Variants in SKI observed in about 807,000 individuals in gnomAD.
The protein encoded by SKI is ski oncogene.
SKI carries 23 observed loss-of-function variants against 59.3 expected under a neutral mutation model. The ratio of observed to expected loss-of-function variants is 0.39; its 90% CI spans 0.28 to 0.55. SKI has a LOEUF of 0.55. Ranked by LOEUF, SKI falls within the 20% of genes least tolerant of loss-of-function variation. The pLI is 0.67. For synonymous variants in SKI, 673 were observed against 488.6 expected, an observed-to-expected ratio of 1.38 and a Z score of -4.98; for missense variants, 1,017 against 1,038.9, an observed-to-expected ratio of 0.98 and a Z score of 0.29.
Position 2,229,733 on chromosome 1 carries a change from C to T in SKI, c.967C>T (p.Arg323Trp), listed in dbSNP as rs1365734743. Residue 323 changes from arginine (R) to tryptophan (W), a missense_variant and splice_region_variant, in exon 1 of 7, where the codon CGG becomes TGG. Coordinates refer to ENST00000378536, the MANE Select transcript of SKI (RefSeq NM_003036.4). This position sits in a 1 kb window ranked among gnomAD's most constrained non-coding sequence, Gnocchi z 6.3. Reference sequence around the variant, plus strand: ...CAACAAGTACAAGCGGCGGGTGCCCCGGGTGAGTGGCCCCAGGCCTGGGAG... The same window carrying T: ...CAACAAGTACAAGCGGCGGGTGCCCTGGGTGAGTGGCCCCAGGCCTGGGAG... ...YGNKYKRRVP[R>W]VSSEPPASIR... is the part of the protein sequence containing the mutation. 1 of 1,557,916 alleles carries T rather than the reference C, an allele frequency of 6.4e-7. No individual in the cohort carries two copies. Among genetic ancestry groups the T allele is most frequent in the Non-Finnish European group, 8.7e-7 (1 of 1,151,474 alleles).
chr1:2,258,373 G>C (rs1332239627), intron 1 of SKI, among the ~76,000 whole-genome samples: 1 of 152,196 alleles, frequency 6.6e-6, no homozygotes, highest in Non-Finnish European at 1.5e-5. Flanking sequence ...GGATGGGACA[G>C]TGGCTGTGCT....
chr1:2,306,396 C>T (rs1373787122), intron 6 of SKI, 146 bp downstream of exon 6: 1 of 1,004,724 alleles, frequency 1.0e-6, no homozygotes, highest in African/African-American at 1.6e-5. Context: ...CCGACGGGCA[C>T]AGGGTGGGTG....
chr1:2,250,581 T>C (rs1027268467), intron 1 of SKI, among the ~76,000 whole-genome samples: 16 of 152,366 alleles, frequency 1.1e-4, no homozygotes, highest in African/African-American at 3.4e-4. Context: ...ACGACTGTTT[T>C]TGCAACTTTT....
intron 1 of SKI, among the ~76,000 whole-genome samples, chr1:2,253,732 T>C (rs536958171): frequency 3.7e-4 from 56 of 151,822 alleles, no homozygotes; most frequent in African/African-American, 1.3e-3. Flanking sequence ...GCCCTGGGAG[T>C]GAGGCTGCGG....
At chr1:2,272,560 A>G (rs1436965008) in intron 1 of SKI, among the ~76,000 whole-genome samples, 4 of 152,232 alleles carry the variant, frequency 2.6e-5, no homozygotes. Flanking sequence ...GGCTCGGGGA[A>G]GCCCTTTGTG....
In SKI at chr1:2,306,212, T is replaced by TGCGAGGCGGGCC; in HGVS notation, c.1963_1974dup (p.Glu655_Arg658dup). 6.4e-7 allele frequency: 1 copy of TGCGAGGCGGGCC among 1,574,334 alleles called. No individual in the cohort carries two copies. Among genetic ancestry groups the TGCGAGGCGGGCC allele is most frequent in the Non-Finnish European group, 8.6e-7 (1 of 1,160,718 alleles). On this transcript the variant is annotated inframe_insertion, in exon 6 of 7. Transcript: ENST00000378536. ...GCAGGCCCGGGTGTGCGACAAGGGC[T>TGCGAGGCGGGCC]GCGAGGCGGGCCGCCTGCGCGCCAA...
Position 2,228,545 on chromosome 1 carries a change from G to A in SKI, c.-222G>A, listed in dbSNP as rs1638553190. ...CGCGGGGCGCGTGGATGTGGCGCCG[G>A]GCCCGGGCGGCGGCGGGCTCCAGCG... On this transcript the variant is annotated 5_prime_UTR_variant, in exon 1 of 7. Coordinates refer to ENST00000378536, the MANE Select transcript of SKI (RefSeq NM_003036.4). 1 of 143,780 alleles carries A rather than the reference G, an allele frequency of 7.0e-6. No homozygotes were observed. Among genetic ancestry groups the A allele is most frequent in the Non-Finnish European group, 1.5e-5 (1 of 65,200 alleles). The allele number at this position is 143,780 out of a possible 1,614,324, so 8.9% of individuals were successfully genotyped here.
At chr1:2,261,627 A>G (rs1639388011) in intron 1 of SKI, among the ~76,000 whole-genome samples, 1 of 152,242 alleles carries the variant, frequency 6.6e-6, no homozygotes, top group Non-Finnish European at 1.5e-5. Flanking sequence ...CATGAGTCCT[A>G]GTGGCTTTTA....
intron 1 of SKI, among the ~76,000 whole-genome samples, chr1:2,241,433 C>G (rs1317669946): frequency 1.3e-5 from 2 of 152,128 alleles, no homozygotes; most frequent in Non-Finnish European, 2.9e-5. Flanking sequence ...TGCTCTGTCG[C>G]CCAGGCTATA....
chr1:2,301,628 T>G (rs561611283), intron 1 of SKI, among the ~76,000 whole-genome samples: 2 of 152,254 alleles, frequency 1.3e-5, no homozygotes, highest in East Asian at 3.9e-4. Context: ...ATCTTCCCCC[T>G]AGGGAAGCAG....
At chr1:2,233,681 C>A (rs901339952) in intron 1 of SKI, among the ~76,000 whole-genome samples, 3 of 152,110 alleles carry the variant, frequency 2.0e-5, no homozygotes, top group Non-Finnish European at 2.9e-5. Flanking sequence ...AGGTGCCCAG[C>A]CAGGTGGTCG....
chr1:2,265,577 G>A (rs1047819127), intron 1 of SKI, among the ~76,000 whole-genome samples: 3 of 152,286 alleles, frequency 2.0e-5, no homozygotes, highest in East Asian at 1.9e-4. Flanking sequence ...TGTTTGCGAT[G>A]GATGGATGAT....
chr1:2,251,814 C>T (rs549856073), intron 1 of SKI, among the ~76,000 whole-genome samples: 55 of 152,330 alleles, frequency 3.6e-4, no homozygotes, highest in Admixed American at 6.5e-4. Context: ...ACCATTTTCT[C>T]GAGTCTGGTT....
chr1:2,233,448 T>C (rs1040382674), intron 1 of SKI, among the ~76,000 whole-genome samples: 9 of 152,188 alleles, frequency 5.9e-5, no homozygotes, highest in African/African-American at 2.2e-4. Flanking sequence ...TGCTCTGTCC[T>C]GCAGATGCCT....
In SKI at chr1:2,270,121, T is replaced by C. The variant is rs1401127185; in HGVS notation, c.970-32857T>C. On this transcript the variant is annotated intron_variant, in intron 1 of 6. Transcript: ENST00000378536. The surrounding 1 kb of genome is among the most constrained non-coding windows in gnomAD (Gnocchi z 4.1). The stretch of plus-strand genomic sequence containing the variant: ...AGTTTTGCCCAGGGGTGCTGTGCCC[T>C]GGTCATTGTCCCCTACAGCCAGGCA... 6.6e-6 allele frequency among the ~76,000 whole-genome samples: 1 copy of C among 152,152 alleles called. No homozygotes were observed. The highest frequency in any genetic ancestry group is 2.4e-5 in the African/African-American group (1 of 41,438).
Position 2,306,278 on chromosome 1 carries a change from C to T in SKI, c.1998+28C>T. On this transcript the variant is annotated intron_variant, in intron 6 of 6. Transcript: ENST00000378536. ...ATGCGGGTGGGGAGACTGAGGCACG[C>T]AGCACGGTGGGCGTGGAGCCGCCGT... The T allele has an allele frequency of 3.3e-6, 5 of 1,522,476 alleles. No individual in the cohort carries two copies. In the African/African-American group the frequency reaches 4.1e-5, roughly 13 times the overall value. The allele number at this position is 1,522,476 out of a possible 1,614,324, so 94.3% of individuals were successfully genotyped here. A position where few individuals can be genotyped will look rare whatever the true frequency, so the allele number is the denominator to read the frequency against.
chr1:2,229,918 G>A lies in SKI; in HGVS notation c.969+183G>A, dbSNP rs1638593857. 6.6e-6 allele frequency among the ~76,000 whole-genome samples: 1 copy of A among 152,256 alleles called. No individual in the cohort carries two copies. Among genetic ancestry groups the A allele is most frequent in the African/African-American group, 2.4e-5 (1 of 41,476 alleles). On this transcript the variant is annotated intron_variant, in intron 1 of 6. Coordinates refer to ENST00000378536, the MANE Select transcript of SKI (RefSeq NM_003036.4). This position sits in a 1 kb window ranked among gnomAD's most constrained non-coding sequence, Gnocchi z 6.3. ...ACTGGCAGGGCCAGAGAGTTTGGTA[G>A]GAAGGCCCTCCTGCCCGTTCCCCAG...
At position 2,310,102 on chromosome 1, in the gene SKI, C is replaced by G. The variant is rs1238869117; in HGVS notation, c.*3337C>G. 6.6e-6 allele frequency: 1 copy of G among 151,558 alleles called. No homozygotes were observed. The highest frequency in any genetic ancestry group is 1.5e-5 in the Non-Finnish European group (1 of 67,952). 9.4% of individuals were successfully genotyped at this position (151,558 alleles called of 1,614,324 possible). On this transcript the variant is annotated 3_prime_UTR_variant, in exon 7 of 7. Transcript: ENST00000378536. ...ATGTATGCTTTCTTGTTTATAAATG[C>G]CTGATTTAAAAAGAAAAGAGCTTGG...
Position 2,229,648 on chromosome 1 carries a change from G to A in SKI, c.882G>A (p.Lys294=), listed in dbSNP as rs370509811. 1.2e-6 allele frequency: 2 copies of A among 1,612,078 alleles called. No individual in the cohort carries two copies. Among genetic ancestry groups the A allele is most frequent in the South Asian group, 1.1e-5 (1 of 90,962 alleles). ...YILLSQDYTG[K]EEQARLGRCL... ...TGCTGAGCCAGGATTACACGGGCAA[G>A]GAGGAGCAGGCGCGCCTCGGCCGCT... Residue 294 remains lysine, a synonymous_variant, in exon 1 of 7, where the codon AAG becomes AAA. Transcript: ENST00000378536. The surrounding 1 kb of genome is among the most constrained non-coding windows in gnomAD (Gnocchi z 6.3).
Sources: gnomAD v4.1 joint callset for allele counts (sites outside exome capture counted in the v4.1 genomes callset) on GRCh38, gnomAD v4.1.1 for gene constraint, Gnocchi (gnomAD v3.1) non-coding constraint, MANE v1.5 for transcripts, NCBI Gene and HGNC (gene_info 2026-07-23, HGNC 2026-07-21) for gene names.